Variants in CAMK2D observed in about 807,000 individuals in gnomAD.
CAMK2D encodes calcium/calmodulin-dependent protein kinase type II subunit delta.
In CAMK2D, 37 loss-of-function variants were observed where a neutral mutation model predicts 84.0. The ratio of observed to expected loss-of-function variants is 0.44; its 90% CI spans 0.34 to 0.58. The LOEUF (loss-of-function observed/expected upper bound fraction) is 0.58, where lower values mean the gene tolerates loss of function less well. Among genes scored for constraint, CAMK2D ranks in the 20% least tolerant of loss-of-function variants. The probability of loss-of-function intolerance (pLI) is 0.02; values close to 1 mark genes in which losing one functional copy is unlikely to be tolerated. For missense variants in CAMK2D, 448 were observed against 652.5 expected, an observed-to-expected ratio of 0.69 and a Z score of 3.41; for synonymous variants, 202 against 212.5, an observed-to-expected ratio of 0.95 and a Z score of 0.43.
In CAMK2D at chr4:113,506,891, T is replaced by TC. The variant is rs142027510; in HGVS notation, c.985-1857dup. Among the ~76,000 whole-genome samples, 1,102 of 147,230 alleles carry TC rather than the reference T, an allele frequency of 7.5e-3. 11 individuals carry two copies. Among genetic ancestry groups the TC allele is most frequent in the South Asian group, 0.025 (116 of 4,632 alleles). The stretch of plus-strand genomic sequence containing the variant: ...AACTTATCTGTACAAGTGCACATGT[T>TC]CCCCCCCCCACACACACACACCTAC... On this transcript the variant is annotated intron_variant, in intron 13 of 20. Coordinates refer to ENST00000511664, the MANE Select transcript of CAMK2D (RefSeq NM_001321571.2).
At chr4:113,684,606 T>C (rs1025415824) in intron 2 of CAMK2D, among the ~76,000 whole-genome samples, 1 of 152,196 alleles carries the variant, frequency 6.6e-6, no homozygotes, top group Non-Finnish European at 1.5e-5. Flanking sequence ...AGTCACACTC[T>C]GAGATACTGA....
chr4:113,677,242 A>G (rs1033703136), intron 2 of CAMK2D, among the ~76,000 whole-genome samples: 2 of 152,098 alleles, frequency 1.3e-5, no homozygotes, highest in Non-Finnish European at 2.9e-5. Context: ...CCACCTCTAT[A>G]TTATACTTGA....
intron 3 of CAMK2D, among the ~76,000 whole-genome samples, chr4:113,638,270 G>A (rs1348979526): frequency 6.6e-6 from 1 of 152,204 alleles, no homozygotes; most frequent in Middle Eastern, 3.2e-3. Flanking sequence ...ACAGGTGTGT[G>A]TGTGTATGTG....
rs555451101 is a variant in CAMK2D at position 113,452,424 on chromosome 4, A to T, written c.*2121T>A. 1.1e-3 allele frequency: 166 copies of T among 152,664 alleles called. 1 individual carries two copies. The highest frequency in any genetic ancestry group is 2.2e-3 in the Non-Finnish European group (147 of 68,046). 9.5% of individuals were successfully genotyped at this position (152,664 alleles called of 1,614,324 possible). On this transcript the variant is annotated 3_prime_UTR_variant, in exon 21 of 21. Transcript: ENST00000511664. The stretch of plus-strand genomic sequence containing the variant: ...TAAAGATGGACGCACTGTCAGCAGA[A>T]ATCACAAATTTATTAACTCTTAAAT...
chr4:113,507,516 G>C (rs530245391), intron 13 of CAMK2D, among the ~76,000 whole-genome samples: 1 of 152,042 alleles, frequency 6.6e-6, no homozygotes, highest in East Asian at 1.9e-4. Flanking sequence ...TGATCCGTCT[G>C]TCTCAACCTC....
At chr4:113,649,072 G>C (rs1456100690) in intron 3 of CAMK2D, among the ~76,000 whole-genome samples, 1 of 152,144 alleles carries the variant, frequency 6.6e-6, no homozygotes, top group African/African-American at 2.4e-5. Context: ...TCTGCCACAA[G>C]TTAATTGTTG....
At position 113,542,438 on chromosome 4, in the gene CAMK2D, G is replaced by A. The variant is rs1252807355; in HGVS notation, c.415-4995C>T. ...CATGGTTAACAAGAATTTACTGGCC[G>A]GGCGCTGTGGCTCGTGCGTGTAATC... On this transcript the variant is annotated intron_variant, in intron 6 of 20. Coordinates refer to ENST00000511664, the MANE Select transcript of CAMK2D (RefSeq NM_001321571.2). Among the ~76,000 whole-genome samples the A allele has an allele frequency of 3.3e-5, 5 of 151,988 alleles. No individual in the cohort carries two copies. The East Asian group carries it at 7.7e-4, about 23-fold the overall frequency.
chr4:113,459,517 G>A (rs2097345471), intron 18 of CAMK2D, among the ~76,000 whole-genome samples: 1 of 152,056 alleles, frequency 6.6e-6, no homozygotes, highest in Non-Finnish European at 1.5e-5. Flanking sequence ...GAGCCAGCGT[G>A]CCTGCCTAAT....
intron 16 of CAMK2D, among the ~76,000 whole-genome samples, chr4:113,471,336 C>T (rs1307844780): frequency 6.6e-6 from 1 of 152,136 alleles, no homozygotes. Flanking sequence ...ACTCCTCTGG[C>T]TCTGACCGCA....
intron 3 of CAMK2D, among the ~76,000 whole-genome samples, chr4:113,648,218 TC>T (rs1377323847): frequency 4.6e-5 from 7 of 152,230 alleles, no homozygotes; most frequent in Non-Finnish European, 7.3e-5. Context: ...AAATATAATT[TC>T]CTTTTATTCA....
intron 2 of CAMK2D, among the ~76,000 whole-genome samples, chr4:113,717,943 C>A (rs190944173): frequency 5.1e-4 from 77 of 152,142 alleles, no homozygotes; most frequent in Admixed American, 1.3e-3. Context: ...TTTTTCACAA[C>A]AGTCTTCAAT....
At chr4:113,588,926 T>C (rs1179213920) in intron 4 of CAMK2D, among the ~76,000 whole-genome samples, 1 of 149,928 alleles carries the variant, frequency 6.7e-6, no homozygotes, top group Non-Finnish European at 1.5e-5. Context: ...TAAGAAAAGT[T>C]GGTGAAGAAA....
At chr4:113,612,996 C>CTTT (rs1427810193) in intron 3 of CAMK2D, among the ~76,000 whole-genome samples, 62 of 152,174 alleles carry the variant, frequency 4.1e-4, no homozygotes, top group Non-Finnish European at 6.9e-4. Flanking sequence ...ATATTAGCTC[C>CTTT]ATAAAGAAGG....
intron 4 of CAMK2D, among the ~76,000 whole-genome samples, chr4:113,602,345 T>C (rs2098956776): frequency 6.6e-6 from 1 of 152,222 alleles, no homozygotes; most frequent in Admixed American, 6.5e-5. Context: ...ACAAAATATG[T>C]CACTCCAAAG....
At chr4:113,548,757 G>A (rs1390990160) in intron 5 of CAMK2D, 2 of 1,164,392 alleles carry the variant, frequency 1.7e-6, no homozygotes, top group Non-Finnish European at 2.6e-6. Flanking sequence ...CAGAATGGAA[G>A]GGAGAACATT....
intron 4 of CAMK2D, among the ~76,000 whole-genome samples, chr4:113,585,070 T>A (rs1233149971): frequency 6.6e-6 from 1 of 152,184 alleles, no homozygotes; most frequent in African/African-American, 2.4e-5. Flanking sequence ...CTTCTCAGCT[T>A]ATTTTTAGTA....
intron 3 of CAMK2D, among the ~76,000 whole-genome samples, chr4:113,626,206 T>C (rs1297807120): frequency 3.3e-5 from 5 of 152,072 alleles, no homozygotes; most frequent in African/African-American, 7.2e-5. Flanking sequence ...CTGGAATATA[T>C]GAAGATGGAG....
At chr4:113,626,718 T>A (rs1032435172) in intron 3 of CAMK2D, among the ~76,000 whole-genome samples, 4 of 152,148 alleles carry the variant, frequency 2.6e-5, no homozygotes, top group Non-Finnish European at 5.9e-5. Context: ...TGCAGGCAAA[T>A]AGAAGGGTTC....
chr4:113,545,204 G>A (rs918106277), intron 6 of CAMK2D, among the ~76,000 whole-genome samples: 4 of 152,168 alleles, frequency 2.6e-5, no homozygotes, highest in East Asian at 3.9e-4. Context: ...AAGCCCCTAC[G>A]TTAGGTACTG....
Sources: gnomAD v4.1 joint callset for allele counts (sites outside exome capture counted in the v4.1 genomes callset) on GRCh38, gnomAD v4.1.1 for gene constraint, MANE v1.5 for transcripts, NCBI Gene and HGNC (gene_info 2026-07-23, HGNC 2026-07-21) for gene names.